SLIT3: variants seen among roughly 807,000 people sequenced by gnomAD.
SLIT3 encodes the protein slit homolog 3 protein.
In SLIT3, 68 loss-of-function variants were observed where a neutral mutation model predicts 184.0. The ratio of observed to expected loss-of-function variants is 0.37; its 90% CI spans 0.30 to 0.45. SLIT3 has a LOEUF of 0.45. Among genes scored for constraint, SLIT3 ranks in the 20% least tolerant of loss-of-function variants. The probability of loss-of-function intolerance (pLI) is 1.00; values close to 1 mark genes in which losing one functional copy is unlikely to be tolerated. For missense variants in SLIT3, 1,707 were observed against 2,026.0 expected (o/e 0.84, Z 3.02); for synonymous variants, 831 against 828.6 (o/e 1.00, Z -0.05).
chr5:168,662,568 C>T lies in SLIT3; in HGVS notation c.*3886G>A, dbSNP rs1760902175. The T allele has an allele frequency of 6.6e-6, 1 of 152,188 alleles. No individual in the cohort carries two copies. The highest frequency in any genetic ancestry group is 1.5e-5 in the Non-Finnish European group (1 of 68,040). 9.4% of individuals were successfully genotyped at this position (152,188 alleles called of 1,614,324 possible). ...TATGAGATTGAAAAGGCAAAACTGT[C>T]TTCTAACAAGGGCCTTTTGGCATGT... On this transcript the variant is annotated 3_prime_UTR_variant, in exon 36 of 36. Coordinates refer to ENST00000519560, the MANE Select transcript of SLIT3 (RefSeq NM_003062.4).
chr5:169,138,170 T>C (rs1012755652), intron 4 of SLIT3, among the ~76,000 whole-genome samples: 11 of 152,224 alleles, frequency 7.2e-5, no homozygotes, highest in Non-Finnish European at 1.5e-4. Flanking sequence ...CATTTGACCC[T>C]GGCTGCTGTG....
At chr5:169,130,128 T>C (rs1239427309) in intron 4 of SLIT3, among the ~76,000 whole-genome samples, 1 of 152,184 alleles carries the variant, frequency 6.6e-6, no homozygotes, top group Non-Finnish European at 1.5e-5. Flanking sequence ...ATTACAGGCA[T>C]GAGCCACCGT....
intron 4 of SLIT3, among the ~76,000 whole-genome samples, chr5:168,959,724 A>G (rs147276856): frequency 6.6e-6 from 1 of 151,780 alleles, no homozygotes; most frequent in Non-Finnish European, 1.5e-5. Flanking sequence ...CCAGGCCCCA[A>G]CTCTTTGTCT....
intron 14 of SLIT3, among the ~76,000 whole-genome samples, chr5:168,771,535 T>C (rs977183874): frequency 3.3e-5 from 5 of 152,084 alleles, no homozygotes; most frequent in African/African-American, 9.7e-5. Flanking sequence ...CCCAGGACCA[T>C]TGGAAGAAGC....
chr5:169,102,968 C>G (rs1411571054), intron 4 of SLIT3, among the ~76,000 whole-genome samples: 1 of 152,036 alleles, frequency 6.6e-6, no homozygotes, highest in Non-Finnish European at 1.5e-5. Context: ...CCATTTTTTC[C>G]TCAAACTGAA....
chr5:169,081,730 T>C (rs1203355826), intron 4 of SLIT3, among the ~76,000 whole-genome samples: 8 of 151,976 alleles, frequency 5.3e-5, no homozygotes, highest in Non-Finnish European at 1.2e-4. Flanking sequence ...CAGTAGGAGG[T>C]TGGACAGAGC....
chr5:169,095,689 C>A (rs895341694), intron 4 of SLIT3, among the ~76,000 whole-genome samples: 1 of 152,144 alleles, frequency 6.6e-6, no homozygotes, highest in African/African-American at 2.4e-5. Context: ...CCATGCATCA[C>A]CTTCTCCTGC....
chr5:169,039,150 G>A (rs1423573177), intron 4 of SLIT3, among the ~76,000 whole-genome samples: 1 of 152,048 alleles, frequency 6.6e-6, no homozygotes, highest in African/African-American at 2.4e-5. Flanking sequence ...CCAGTTTGAG[G>A]ATGGTGTTGC....
At chr5:168,795,976 T>C (rs561425467) in intron 9 of SLIT3, among the ~76,000 whole-genome samples, 24 of 152,216 alleles carry the variant, frequency 1.6e-4, no homozygotes, top group Non-Finnish European at 3.1e-4. Flanking sequence ...GCAATGCTTA[T>C]CTGTCATGGA....
intron 1 of SLIT3, among the ~76,000 whole-genome samples, chr5:169,257,024 C>T (rs1561770541): frequency 6.6e-6 from 1 of 151,378 alleles, no homozygotes; most frequent in Non-Finnish European, 1.5e-5. Flanking sequence ...AAAAAGGTTT[C>T]ATGGACAACT....
chr5:168,772,847 T>C lies in SLIT3; in HGVS notation c.1393A>G (p.Ser465Gly), dbSNP rs1755603435. 6.2e-7 allele frequency: 1 copy of C among 1,614,078 alleles called. No individual in the cohort carries two copies. Among genetic ancestry groups the C allele is most frequent in the East Asian group, 2.2e-5 (1 of 44,862 alleles). The part of the protein sequence containing the change: ...NPIETSGARC[S>G]SPRRLANKRI... ...TTGTTGGCGAGTCGGCGCGGGCTGC[T>C]GCAGCGGGCCCCGCTTGTCTCGATG... is the stretch of plus-strand genomic sequence containing the variant. Residue 465 changes from serine to glycine, a missense_variant, in exon 14 of 36, where the codon AGC becomes GGC. Physicochemically the swap from Ser to Gly is moderately conservative, Grantham distance 56 (BLOSUM62 0). Around this residue, in one of 3 missense-constraint regions of SLIT3, gnomAD observed 1,307 missense variants for 1,511.6 expected, o/e 0.86. Coordinates refer to ENST00000519560, the MANE Select transcript of SLIT3 (RefSeq NM_003062.4).
chr5:168,834,338 A>T (rs1175947262), intron 6 of SLIT3, among the ~76,000 whole-genome samples: 1 of 151,912 alleles, frequency 6.6e-6, no homozygotes, highest in Non-Finnish European at 1.5e-5. Context: ...TAAGGATCAC[A>T]CTCCCAGGTT....
At chr5:169,026,596 AT>A (rs1756834277) in intron 4 of SLIT3, 1 of 151,682 alleles carries the variant, frequency 6.6e-6, no homozygotes, top group Non-Finnish European at 1.5e-5. Context: ...AGCAAAAAAA[AT>A]CAGCCTACAA....
At chr5:169,074,446 A>G (rs10054190) in intron 4 of SLIT3, among the ~76,000 whole-genome samples, 10,338 of 152,272 alleles carry the variant, frequency 0.068, 346 homozygotes, top group Non-Finnish European at 0.085. Flanking sequence ...GATGATAGCT[A>G]GCATTATGGA....
chr5:168,664,854 TC>T lies in SLIT3; in HGVS notation c.*1599del, dbSNP rs1386006881. On this transcript the variant is annotated 3_prime_UTR_variant, in exon 36 of 36. Coordinates refer to ENST00000519560, the MANE Select transcript of SLIT3 (RefSeq NM_003062.4). ...ATGGAAAGAAACAGGGGCAGGGAAG[TC>T]CCCTTCAGGAATGGAGGCAGAGGCT... 5.3e-5 allele frequency: 8 copies of T among 152,056 alleles called. No homozygotes were observed. Among genetic ancestry groups the T allele is most frequent in the African/African-American group, 1.9e-4 (8 of 41,388 alleles). The allele number at this position is 152,056 out of a possible 1,614,324, so 9.4% of individuals were successfully genotyped here.
chr5:168,806,779 C>G (rs1382351888), intron 8 of SLIT3, among the ~76,000 whole-genome samples, 192 bp from the exon 9 acceptor site: 1 of 152,196 alleles, frequency 6.6e-6, no homozygotes, highest in Non-Finnish European at 1.5e-5. Flanking sequence ...AGGAGAGAGT[C>G]TGACTTGACC....
rs143367140 is a variant in SLIT3, at chr5:168,899,845, T to C, written c.414-16509A>G. ...AGGAAGTGGGCACCCCTTGGACTTC[T>C]GTGCTCTGTGATGTCCCTGAGGCTC... On this transcript the variant is annotated intron_variant, in intron 4 of 35. Transcript: ENST00000519560. Among the ~76,000 whole-genome samples the C allele has an allele frequency of 1.1e-3, 164 of 152,270 alleles. 3 individuals are homozygous for C. Among genetic ancestry groups the C allele is most frequent in the Middle Eastern group, 0.01 (3 of 294 alleles).
At chr5:169,235,654 C>T (rs1269159973) in intron 3 of SLIT3, among the ~76,000 whole-genome samples, 1 of 152,184 alleles carries the variant, frequency 6.6e-6, no homozygotes, top group Non-Finnish European at 1.5e-5. Context: ...TCTCCTCAGG[C>T]TCCATTTGGC....
At chr5:169,014,038 G>T (rs994920305) in intron 4 of SLIT3, among the ~76,000 whole-genome samples, 5 of 152,108 alleles carry the variant, frequency 3.3e-5, no homozygotes, top group East Asian at 1.9e-4. Context: ...AAACTTTGAG[G>T]TCTGCCTGCC....
Sources: allele counts gnomAD v4.1 joint callset (sites outside exome capture counted in the v4.1 genomes callset), GRCh38; gene constraint gnomAD v4.1.1; regional missense constraint gnomAD v4.1.1; transcripts MANE v1.5; gene names NCBI Gene and HGNC (gene_info 2026-07-23, HGNC 2026-07-21).